The following PREX2 variants were observed in gnomAD, a reference collection of about 807,000 sequenced individuals.
The protein encoded by PREX2 is phosphatidylinositol-3,4,5-trisphosphate dependent Rac exchange factor 2.
Under a neutral mutation model 203.2 loss-of-function variants are expected in PREX2, and 107 were observed. The observed-to-expected ratio is 0.53, with a 90% CI of 0.45 to 0.62. PREX2 has a LOEUF of 0.62. Among genes scored for constraint, PREX2 ranks in the 20% least tolerant of loss-of-function variants. PREX2 has a pLI of 0.00. For synonymous variants in PREX2, 672 were observed against 663.6 expected (o/e 1.01, Z -0.19); for missense variants, 1,777 against 1,955.9 (o/e 0.91, Z 1.72).
Position 68,223,938 on chromosome 8 carries a change from A to T in PREX2, c.4708-621A>T, listed in dbSNP as rs184417228. On this transcript the variant is annotated intron_variant, in intron 38 of 39. Coordinates refer to ENST00000288368, the MANE Select transcript of PREX2 (RefSeq NM_024870.4). ...ATAAAACTGTGATTTCTGTTCCAGA[A>T]AAGTGGTAACACAGAGCAGGTATTT... 3.9e-5 allele frequency among the ~76,000 whole-genome samples: 6 copies of T among 152,358 alleles called. No individual in the cohort carries two copies. In the South Asian group the frequency reaches 8.3e-4, roughly 21 times the overall value.
chr8:68,039,168 G>C (rs968443657), intron 7 of PREX2, among the ~76,000 whole-genome samples: 1 of 152,054 alleles, frequency 6.6e-6, no homozygotes, highest in Non-Finnish European at 1.5e-5. Flanking sequence ...GTTTTATGTT[G>C]TCACTTTTTC....
chr8:68,112,251 T>C (rs1164939178), intron 25 of PREX2, among the ~76,000 whole-genome samples: 2 of 152,260 alleles, frequency 1.3e-5, no homozygotes, highest in African/African-American at 4.8e-5. Context: ...TGCAATGGGC[T>C]ATTTACTGGG....
At chr8:68,229,349 G>A (rs1408398641) in intron 39 of PREX2, among the ~76,000 whole-genome samples, 4 of 152,170 alleles carry the variant, frequency 2.6e-5, no homozygotes, top group Admixed American at 2.6e-4. Context: ...GCAGACCAAG[G>A]CCTCACTCTG....
Position 68,147,419 on chromosome 8 carries a change from T to C in PREX2, c.4231+1067T>C, listed in dbSNP as rs1460198640. 2.6e-5 allele frequency among the ~76,000 whole-genome samples: 4 copies of C among 152,064 alleles called. No homozygotes were observed. The East Asian group carries it at 7.7e-4, about 29-fold the overall frequency. ...GAGGTAATTGAATAATGGGGGTGGG[T>C]CTTTCCCATGCTCTTCTTGTGATAG... On this transcript the variant is annotated intron_variant, in intron 34 of 39. Transcript: ENST00000288368.
chr8:68,063,639 C>A (rs1250419715), intron 11 of PREX2, among the ~76,000 whole-genome samples: 1 of 152,118 alleles, frequency 6.6e-6, no homozygotes, highest in African/African-American at 2.4e-5. Context: ...AGGTTTTCTT[C>A]CCAATATTTC....
At chr8:68,114,041 T>C (rs966834155) in intron 25 of PREX2, among the ~76,000 whole-genome samples, 3 of 152,142 alleles carry the variant, frequency 2.0e-5, no homozygotes, top group African/African-American at 7.2e-5. Context: ...TTTGTATTTT[T>C]AGTAGAGACG....
At chr8:68,134,773 T>C (rs1260527283) in intron 32 of PREX2, among the ~76,000 whole-genome samples, 2 of 152,232 alleles carry the variant, frequency 1.3e-5, no homozygotes, top group Non-Finnish European at 2.9e-5. Flanking sequence ...TATGCATGTT[T>C]GTCCTGTTAA....
chr8:68,080,706 A>G (rs780597141), intron 16 of PREX2, 40 bp from the exon 17 acceptor site: 2 of 1,476,528 alleles, frequency 1.4e-6, no homozygotes, highest in South Asian at 1.2e-5. Context: ...AATTTTTTTC[A>G]TAGTTGCTTT....
chr8:68,182,487 TA>T (rs1430933350), intron 35 of PREX2, among the ~76,000 whole-genome samples: 4 of 152,150 alleles, frequency 2.6e-5, no homozygotes, highest in Non-Finnish European at 5.9e-5. Flanking sequence ...TTGTAGCTAA[TA>T]TTTATAAGCT....
At chr8:68,206,521 T>C (rs1401240182) in intron 37 of PREX2, among the ~76,000 whole-genome samples, 1 of 152,128 alleles carries the variant, frequency 6.6e-6, no homozygotes, top group Non-Finnish European at 1.5e-5. Flanking sequence ...AGTTACCTCT[T>C]CTGATCTGTA....
chr8:68,118,653 G>C lies in PREX2; in HGVS notation c.3421+9G>C, dbSNP rs747718964. On this transcript the variant is annotated intron_variant, in intron 27 of 39. Coordinates refer to ENST00000288368, the MANE Select transcript of PREX2 (RefSeq NM_024870.4). ...TGATGAAATGGACTCAGGTGTGTTC[G>C]TTGGTGAAGGCCTGTGGGCTTTTTG... 3 of 1,595,588 alleles carry C rather than the reference G, an allele frequency of 1.9e-6. No homozygotes were observed. Among genetic ancestry groups the C allele is most frequent in the South Asian group, 1.1e-5 (1 of 90,640 alleles).
chr8:67,997,680 T>C (rs765649037), intron 1 of PREX2, among the ~76,000 whole-genome samples: 67 of 152,158 alleles, frequency 4.4e-4, no homozygotes, highest in Non-Finnish European at 7.9e-4. Context: ...ATTGGGCTTG[T>C]GGTGAATCTA....
intron 15 of PREX2, among the ~76,000 whole-genome samples, chr8:68,078,839 A>C (rs1418525237): frequency 6.6e-6 from 1 of 152,208 alleles, no homozygotes; most frequent in Non-Finnish European, 1.5e-5. Context: ...TTATTATAAA[A>C]TATTGAGTTA....
chr8:68,069,174 G>GC, intron 12 of PREX2, 38 bp downstream of exon 12: 8 of 933,126 alleles, frequency 8.6e-6, no homozygotes, highest in Non-Finnish European at 1.3e-5. Flanking sequence ...ATAGTAGAAT[G>GC]CATGTTGTCA....
At chr8:68,154,076 C>CCT (rs1811494261) in intron 34 of PREX2, among the ~76,000 whole-genome samples, 1 of 152,190 alleles carries the variant, frequency 6.6e-6, no homozygotes. Flanking sequence ...TCCCCCAAGC[C>CCT]CTCTCCCCTC....
intron 10 of PREX2, among the ~76,000 whole-genome samples, chr8:68,059,442 A>G (rs1316440661): frequency 6.6e-6 from 1 of 152,226 alleles, no homozygotes; most frequent in African/African-American, 2.4e-5. Context: ...AGTGTGTGGT[A>G]GACAGTTCTG....
chr8:68,207,965 A>G (rs189235128), intron 37 of PREX2, among the ~76,000 whole-genome samples: 5 of 152,304 alleles, frequency 3.3e-5, no homozygotes, highest in Admixed American at 2.0e-4. Flanking sequence ...TCATTTAAGT[A>G]TGGAGTAGAA....
chr8:68,030,407 C>CT (rs1219916134), intron 5 of PREX2, 90 bp from the exon 6 acceptor site: 3 of 1,246,286 alleles, frequency 2.4e-6, no homozygotes, highest in Non-Finnish European at 2.2e-6. Flanking sequence ...CTCTCATGAT[C>CT]TTTGCAGTTT....
chr8:68,041,512 C>T (rs1394045290), intron 7 of PREX2, among the ~76,000 whole-genome samples: 4 of 152,084 alleles, frequency 2.6e-5, no homozygotes, highest in Non-Finnish European at 5.9e-5. Context: ...TGAGAGGGAA[C>T]AGATTAGGAT....
Sources: gnomAD v4.1 joint callset for allele counts (sites outside exome capture counted in the v4.1 genomes callset) on GRCh38, gnomAD v4.1.1 for gene constraint, MANE v1.5 for transcripts, NCBI Gene and HGNC (gene_info 2026-07-23, HGNC 2026-07-21) for gene names.